The following AIMP1 variants were observed in gnomAD, a reference collection of about 807,000 sequenced individuals.
AIMP1 encodes the protein aminoacyl tRNA synthetase complex interacting multifunctional protein 1, also known as aminoacyl tRNA synthase complex-interacting multifunctional protein 1.
AIMP1 carries 24 observed loss-of-function variants against 33.1 expected under a neutral mutation model. That is an observed-to-expected ratio of 0.73 (90% CI 0.53 to 1.02). AIMP1 has a LOEUF of 1.02. Among genes scored for constraint, AIMP1 ranks in the 50% least tolerant of loss-of-function variants. The pLI, the probability that AIMP1 is intolerant of heterozygous loss-of-function variation, is 0.00. For synonymous variants in AIMP1, 120 were observed against 121.5 expected (o/e 0.99, Z 0.08); for missense variants, 367 against 364.8 (o/e 1.01, Z -0.05).
chr4:106,344,144 C>T (rs1770204598), intron 6 of AIMP1, among the ~76,000 whole-genome samples: 1 of 152,162 alleles, frequency 6.6e-6, no homozygotes, highest in African/African-American at 2.4e-5. Flanking sequence ...CTGCCCCTGT[C>T]ATTTCCTTTG....
intron 5 of AIMP1, among the ~76,000 whole-genome samples, chr4:106,332,190 A>T (rs990370193): frequency 6.6e-5 from 10 of 152,064 alleles, no homozygotes; most frequent in African/African-American, 2.4e-4. Flanking sequence ...GTATATATAT[A>T]TAAAATATAT....
At chr4:106,338,094 A>G (rs1019513753) in intron 6 of AIMP1, among the ~76,000 whole-genome samples, 1 of 152,196 alleles carries the variant, frequency 6.6e-6, no homozygotes, top group Non-Finnish European at 1.5e-5. Flanking sequence ...GGTGCTCTTA[A>G]GCATTCAGTT....
intron 1 of AIMP1, among the ~76,000 whole-genome samples, chr4:106,320,859 G>A (rs1769192558): frequency 6.6e-6 from 1 of 152,128 alleles, no homozygotes; most frequent in Non-Finnish European, 1.5e-5. Context: ...TGATTCTCCT[G>A]CCTCAGTCTG....
chr4:106,333,676 T>G (rs1035955625), intron 5 of AIMP1, among the ~76,000 whole-genome samples: 3 of 152,198 alleles, frequency 2.0e-5, no homozygotes, highest in African/African-American at 7.2e-5. Context: ...TATTCCCTAT[T>G]TAAAATTTAA....
At chr4:106,322,898 C>T (rs1032412629) in intron 1 of AIMP1, among the ~76,000 whole-genome samples, 3 of 151,612 alleles carry the variant, frequency 2.0e-5, no homozygotes, top group South Asian at 2.1e-4. Flanking sequence ...GCAGGAGAAT[C>T]GCTTGAACCC....
chr4:106,347,746 AAT>A lies in AIMP1; in HGVS notation c.*59_*60del. The A allele has an allele frequency of 6.4e-7, 1 of 1,559,902 alleles. No individual in the cohort carries two copies. Among genetic ancestry groups the A allele is most frequent in the Non-Finnish European group, 8.7e-7 (1 of 1,149,456 alleles). On this transcript the variant is annotated 3_prime_UTR_variant, in exon 7 of 7. Coordinates refer to ENST00000672341, the MANE Select transcript of AIMP1 (RefSeq NM_001142416.2). Reference sequence around the variant, plus strand: ...GAAAACCTTAAAAGTAATAAAGAGAAATATATTTGTCACTTATACCTAAAATA... The same window carrying A: ...GAAAACCTTAAAAGTAATAAAGAGAAATATTTGTCACTTATACCTAAAATA...
intron 4 of AIMP1, among the ~76,000 whole-genome samples, chr4:106,329,766 A>G (rs1342537385): frequency 7.4e-6 from 1 of 135,448 alleles, no homozygotes; most frequent in Non-Finnish European, 1.6e-5. Flanking sequence ...CTAGACTGCT[A>G]CATATCTTTT....
intron 3 of AIMP1, 127 bp from the exon 4 acceptor site, chr4:106,327,948 GA>G: frequency 7.2e-7 from 1 of 1,380,838 alleles, no homozygotes; most frequent in Non-Finnish European, 9.8e-7. Context: ...TCAGACAGTG[GA>G]TATTTGATAG....
At chr4:106,322,297 TA>T (rs11432155) in intron 1 of AIMP1, among the ~76,000 whole-genome samples, 4,046 of 145,644 alleles carry the variant, frequency 0.028, 166 homozygotes, top group African/African-American at 0.092. Flanking sequence ...TAAAAAAAAT[TA>T]AAAAAAAAAA....
intron 4 of AIMP1, among the ~76,000 whole-genome samples, chr4:106,331,117 A>G (rs1769657600): frequency 6.6e-6 from 1 of 152,236 alleles, no homozygotes; most frequent in South Asian, 2.1e-4. Context: ...AGTGAGGAGG[A>G]AAATATTTAA....
intron 6 of AIMP1, among the ~76,000 whole-genome samples, chr4:106,337,709 A>AG (rs745551066): frequency 1.3e-5 from 2 of 152,242 alleles, no homozygotes; most frequent in Non-Finnish European, 2.9e-5. Context: ...TAACAGGCAG[A>AG]GATTGGAACA....
chr4:106,342,107 T>C (rs906001334), intron 6 of AIMP1, among the ~76,000 whole-genome samples: 1 of 152,200 alleles, frequency 6.6e-6, no homozygotes, highest in Non-Finnish European at 1.5e-5. Context: ...CTTTAGTGTA[T>C]AGAAATGCTG....
chr4:106,328,870 C>T (rs547928633), intron 4 of AIMP1, among the ~76,000 whole-genome samples: 15 of 152,244 alleles, frequency 9.9e-5, no homozygotes, highest in African/African-American at 3.1e-4. Context: ...AGGTTTTCAA[C>T]GATCTTTCAT....
intron 5 of AIMP1, 49 bp downstream of exon 5, chr4:106,331,932 T>C: frequency 6.7e-7 from 1 of 1,500,158 alleles, no homozygotes; most frequent in Non-Finnish European, 9.3e-7. Flanking sequence ...ACATTTTCAT[T>C]CCCTCCTTCT....
chr4:106,322,286 C>T (rs1293013977), intron 1 of AIMP1, among the ~76,000 whole-genome samples: 11 of 146,886 alleles, frequency 7.5e-5, no homozygotes, highest in Admixed American at 5.4e-4. Flanking sequence ...TCAATAAATA[C>T]TAAAAAAAAT....
At position 106,331,161 on chromosome 4, in the gene AIMP1, G is replaced by T. The variant is rs201130433; in HGVS notation, c.392-511G>T. On this transcript the variant is annotated intron_variant, in intron 4 of 6. Coordinates refer to ENST00000672341, the MANE Select transcript of AIMP1 (RefSeq NM_001142416.2). ...ATTGCATTCTGCTCTAGTTCATTCT[G>T]TCATTTGGGTACTGGTTGTGGTGTT... is the stretch of plus-strand genomic sequence containing the variant. 9.9e-5 allele frequency among the ~76,000 whole-genome samples: 15 copies of T among 152,234 alleles called. No individual in the cohort carries two copies. In the East Asian group the frequency reaches 2.9e-3, roughly 29 times the overall value.
Position 106,329,878 on chromosome 4 carries a change from C to T in AIMP1, c.391+1635C>T, listed in dbSNP as rs556922394. 2.9e-4 allele frequency among the ~76,000 whole-genome samples: 44 copies of T among 149,760 alleles called. 1 individual carries two copies. The South Asian group carries it at 8.1e-3, about 27-fold the overall frequency. On this transcript the variant is annotated intron_variant, in intron 4 of 6. Transcript: ENST00000672341. ...TCGGCTCACTGCAACCTCCACCTCC[C>T]GGGTTCAAGCAATTCTATCTTAGCC...
chr4:106,331,082 A>T (rs1443523593), intron 4 of AIMP1, among the ~76,000 whole-genome samples: 3 of 152,222 alleles, frequency 2.0e-5, no homozygotes, highest in Non-Finnish European at 4.4e-5. Flanking sequence ...TGGAGAAATT[A>T]ATTATGTACT....
At chr4:106,346,970 G>A (rs933459023) in intron 6 of AIMP1, among the ~76,000 whole-genome samples, 2 of 152,088 alleles carry the variant, frequency 1.3e-5, no homozygotes, top group South Asian at 2.1e-4. Flanking sequence ...AATTTTACTC[G>A]TGGCAGTCAA....
Sources: gnomAD v4.1 joint callset for allele counts (sites outside exome capture counted in the v4.1 genomes callset) on GRCh38, gnomAD v4.1.1 for gene constraint, MANE v1.5 for transcripts, NCBI Gene and HGNC (gene_info 2026-07-23, HGNC 2026-07-21) for gene names.